Variants in RYR2 observed in about 807,000 individuals in gnomAD.
RYR2 encodes cardiac muscle ryanodine receptor-calcium release channel.
Under a neutral mutation model 601.1 loss-of-function variants are expected in RYR2, and 227 were observed. That is an observed-to-expected ratio of 0.38 (90% confidence interval 0.34 to 0.42). The LOEUF (loss-of-function observed/expected upper bound fraction) is 0.42, where lower values mean the gene tolerates loss of function less well. RYR2 is among the 10% of genes least tolerant of loss of function. The probability of loss-of-function intolerance (pLI) is 1.00; values close to 1 mark genes in which losing one functional copy is unlikely to be tolerated. For missense variants in RYR2, 4,646 were observed against 6,156.5 expected, an observed-to-expected ratio of 0.75 and a Z score of 8.21; for synonymous variants, 2,223 against 2,175.1, an observed-to-expected ratio of 1.02 and a Z score of -0.61.
At chr1:237,079,765 T>C (rs1042198901) in intron 1 of RYR2, among the ~76,000 whole-genome samples, 6 of 142,718 alleles carry the variant, frequency 4.2e-5, no homozygotes, top group Non-Finnish European at 8.8e-5. Flanking sequence ...CTTCACAGAA[T>C]TGGAAAAAAC....
At chr1:237,363,592 A>G (rs1411074346) in intron 4 of RYR2, among the ~76,000 whole-genome samples, 2 of 152,126 alleles carry the variant, frequency 1.3e-5, no homozygotes, top group East Asian at 1.9e-4. Context: ...TTGGAAATAT[A>G]TCATTGTTTT....
At chr1:237,062,539 A>G (rs1286898048) in intron 1 of RYR2, among the ~76,000 whole-genome samples, 3 of 152,164 alleles carry the variant, frequency 2.0e-5, no homozygotes, top group African/African-American at 7.2e-5. Context: ...CTTAGACTGT[A>G]AAAATATAAT....
At chr1:237,801,632 T>G (rs1450811496) in intron 97 of RYR2, among the ~76,000 whole-genome samples, 1 of 151,746 alleles carries the variant, frequency 6.6e-6, no homozygotes, top group African/African-American at 2.4e-5. Context: ...ACGAAGGTGA[T>G]GATGTTTTGT....
chr1:237,828,516 A>T, intron 102 of RYR2, 71 bp downstream of exon 102: 1 of 998,172 alleles, frequency 1.0e-6, no homozygotes, highest in Non-Finnish European at 1.5e-6. Context: ...ACCTTTATCA[A>T]TAGAATCATG....
chr1:237,152,540 G>A (rs1021534645), intron 1 of RYR2, among the ~76,000 whole-genome samples: 2 of 151,978 alleles, frequency 1.3e-5, no homozygotes, highest in African/African-American at 4.8e-5. Flanking sequence ...TTTAATAATC[G>A]CCATTCTGAT....
At chr1:237,534,569 A>G (rs1668423289) in intron 25 of RYR2, among the ~76,000 whole-genome samples, 1 of 152,020 alleles carries the variant, frequency 6.6e-6, no homozygotes, top group South Asian at 2.1e-4. Flanking sequence ...CTGGATCACA[A>G]AGAATAACAG....
At chr1:237,347,404 C>G (rs1698398915) in intron 3 of RYR2, among the ~76,000 whole-genome samples, 1 of 152,064 alleles carries the variant, frequency 6.6e-6, no homozygotes, top group Non-Finnish European at 1.5e-5. Context: ...AGTTTCTTTC[C>G]CTTTCTACTT....
intron 16 of RYR2, among the ~76,000 whole-genome samples, chr1:237,457,612 G>A (rs1658989424): frequency 6.6e-6 from 1 of 152,204 alleles, no homozygotes; most frequent in African/African-American, 2.4e-5. Flanking sequence ...TTGAGTTACA[G>A]AAAAGGAATC....
At chr1:237,643,040 A>G (rs1462805726) in intron 47 of RYR2, among the ~76,000 whole-genome samples, 1 of 152,232 alleles carries the variant, frequency 6.6e-6, no homozygotes, top group Non-Finnish European at 1.5e-5. Flanking sequence ...TTCTCAGTAT[A>G]TCTTAACAGT....
intron 1 of RYR2, among the ~76,000 whole-genome samples, chr1:237,187,569 G>T (rs144074045): frequency 6.8e-6 from 1 of 147,990 alleles, no homozygotes; most frequent in African/African-American, 2.5e-5. Flanking sequence ...TCAGCCTCCT[G>T]AATAGCTGGG....
At chr1:237,148,394 C>T (rs995120382) in intron 1 of RYR2, among the ~76,000 whole-genome samples, 43 of 151,518 alleles carry the variant, frequency 2.8e-4, no homozygotes, top group Middle Eastern at 3.4e-3. Context: ...AGGACAAATA[C>T]CTAATGCATG....
intron 46 of RYR2, 46 bp from the exon 47 acceptor site, chr1:237,640,851 C>A: frequency 6.9e-7 from 1 of 1,442,962 alleles, no homozygotes; most frequent in Non-Finnish European, 9.7e-7. Context: ...CATGAAATGT[C>A]AGTTATCCCA....
chr1:237,262,245 GTTTT>G (rs386370106), intron 1 of RYR2, among the ~76,000 whole-genome samples: 18 of 61,102 alleles, frequency 2.9e-4, no homozygotes, highest in East Asian at 1.0e-3. Flanking sequence ...GTTCTAAAGA[GTTTT>G]TTTTTTTTTT....
chr1:237,542,861 A>G lies in RYR2; in HGVS notation c.2907-5570A>G, dbSNP rs368795927. On this transcript the variant is annotated intron_variant, in intron 25 of 104. Transcript: ENST00000366574. The stretch of plus-strand genomic sequence containing the variant: ...CCTGCCATTTGGCTGAGTACAATAT[A>G]GGAAGCAAGATAGAAGCTCACTTTG... 2.0e-4 allele frequency among the ~76,000 whole-genome samples: 31 copies of G among 152,298 alleles called. No individual in the cohort carries two copies. The East Asian group carries it at 5.4e-3, about 27-fold the overall frequency.
chr1:237,304,739 G>A (rs890530868), intron 2 of RYR2, among the ~76,000 whole-genome samples: 7 of 152,132 alleles, frequency 4.6e-5, no homozygotes, highest in African/African-American at 1.7e-4. Context: ...TTATATGAAT[G>A]TCATTTCAAC....
chr1:237,138,556 ATTATT>A (rs1348231909), intron 1 of RYR2, among the ~76,000 whole-genome samples: 1 of 152,168 alleles, frequency 6.6e-6, no homozygotes, highest in Non-Finnish European at 1.5e-5. Context: ...TGGTTTCATA[ATTATT>A]TTCTTTTAAA....
chr1:237,574,025 C>G (rs1672979818), intron 29 of RYR2, among the ~76,000 whole-genome samples: 1 of 152,064 alleles, frequency 6.6e-6, no homozygotes, highest in Non-Finnish European at 1.5e-5. Flanking sequence ...AGATCAAGAG[C>G]ATTGTTGAAC....
At chr1:237,537,151 A>C (rs1429109664) in intron 25 of RYR2, among the ~76,000 whole-genome samples, 1 of 152,208 alleles carries the variant, frequency 6.6e-6, no homozygotes, top group Admixed American at 6.5e-5. Flanking sequence ...AATTTAGCCT[A>C]ATCTTATAAG....
intron 8 of RYR2, among the ~76,000 whole-genome samples, chr1:237,386,061 G>A (rs1312865542): frequency 2.0e-5 from 3 of 152,212 alleles, no homozygotes; most frequent in Non-Finnish European, 4.4e-5. Context: ...AGCTAAGACT[G>A]TAAGAATGAC....
Sources: gnomAD v4.1 joint callset for allele counts (sites outside exome capture counted in the v4.1 genomes callset) on GRCh38, gnomAD v4.1.1 for gene constraint, MANE v1.5 for transcripts, NCBI Gene and HGNC (gene_info 2026-07-23, HGNC 2026-07-21) for gene names.